The following HERPUD2 variants were observed in gnomAD, a reference collection of about 807,000 sequenced individuals.
The protein encoded by HERPUD2 is homocysteine-responsive endoplasmic reticulum-resident ubiquitin-like domain member 2 protein.
HERPUD2 carries 13 observed loss-of-function variants against 49.9 expected under a neutral mutation model. The observed-to-expected ratio is 0.26, with a 90% CI of 0.17 to 0.41. The LOEUF is 0.41. HERPUD2 is among the 10% of genes least tolerant of loss of function. The pLI, the probability that HERPUD2 is intolerant of heterozygous loss-of-function variation, is 1.00. For synonymous variants in HERPUD2, 172 were observed against 171.4 expected, an observed-to-expected ratio of 1.00 and a Z score of -0.03; for missense variants, 449 against 492.2, an observed-to-expected ratio of 0.91 and a Z score of 0.83.
intron 2 of HERPUD2, among the ~76,000 whole-genome samples, chr7:35,681,239 T>A (rs909346968): frequency 3.5e-4 from 54 of 152,146 alleles, no homozygotes; most frequent in African/African-American, 1.3e-3. Flanking sequence ...CAAGGTCACA[T>A]CAATTTTCAG....
Position 35,694,244 on chromosome 7 carries a change from G to C in HERPUD2, c.87C>G (p.Phe29Leu). The change falls in exon 2 of 9, where the codon TTC becomes TTG. Residue 29 changes from phenylalanine (F) to leucine (L), a missense_variant. Transcript: ENST00000311350. ...QKYSDQTISC[F>L]LNWTVGKLKT... is the part of the protein sequence containing the mutation. Reference sequence around the variant, plus strand: ...TTAGTTTCCCCACGGTCCAGTTCAAGAAGCAGCTAATAGTCTGGTCACTGT... The same window carrying C: ...TTAGTTTCCCCACGGTCCAGTTCAACAAGCAGCTAATAGTCTGGTCACTGT... 6.2e-7 allele frequency: 1 copy of C among 1,614,146 alleles called. No homozygotes were observed. The highest frequency in any genetic ancestry group is 8.5e-7 in the Non-Finnish European group (1 of 1,180,014).
At chr7:35,665,670 A>G (rs1357222051) in intron 5 of HERPUD2, among the ~76,000 whole-genome samples, 4 of 152,194 alleles carry the variant, frequency 2.6e-5, no homozygotes, top group Non-Finnish European at 5.9e-5. Context: ...GAAATCGCCC[A>G]TCTTCTGCAT....
chr7:35,674,455 A>G (rs1291421789), intron 2 of HERPUD2, among the ~76,000 whole-genome samples: 1 of 121,278 alleles, frequency 8.2e-6, no homozygotes, highest in African/African-American at 3.2e-5. Context: ...AGAGAGAGAG[A>G]GAGAGAGAGG....
At chr7:35,663,070 T>C (rs889029290) in intron 5 of HERPUD2, among the ~76,000 whole-genome samples, 4 of 152,222 alleles carry the variant, frequency 2.6e-5, no homozygotes, top group African/African-American at 7.2e-5. Flanking sequence ...GTATGTTGTG[T>C]CTTTGTTCTC....
At chr7:35,637,138 A>G (rs868387522) in intron 6 of HERPUD2, among the ~76,000 whole-genome samples, 8 of 135,690 alleles carry the variant, frequency 5.9e-5, no homozygotes, top group South Asian at 2.5e-4. Flanking sequence ...GTCTCAAAAA[A>G]AAAGAAAGAA....
At chr7:35,634,166 AACC>A (rs1373585363) in intron 8 of HERPUD2, 143 bp downstream of exon 8, 2 of 613,246 alleles carry the variant, frequency 3.3e-6, no homozygotes, top group African/African-American at 3.7e-5. Flanking sequence ...TCCCAAATGA[AACC>A]ACCACAATTT....
At chr7:35,676,131 G>C (rs1218391328) in intron 2 of HERPUD2, among the ~76,000 whole-genome samples, 1 of 152,120 alleles carries the variant, frequency 6.6e-6, no homozygotes, top group Non-Finnish European at 1.5e-5. Flanking sequence ...ATCCAAATAA[G>C]GTTCACACAC....
At chr7:35,671,687 G>C (rs1396981487) in intron 3 of HERPUD2, among the ~76,000 whole-genome samples, 1 of 151,968 alleles carries the variant, frequency 6.6e-6, no homozygotes, top group Non-Finnish European at 1.5e-5. Context: ...AAAAACAGTT[G>C]AAAGAACTAT....
chr7:35,670,995 T>C (rs1046762161), intron 3 of HERPUD2, among the ~76,000 whole-genome samples: 4 of 151,470 alleles, frequency 2.6e-5, no homozygotes, highest in Non-Finnish European at 5.9e-5. Context: ...GCAAATAAGA[T>C]GGGGAAAGGA....
chr7:35,634,245 A>G (rs906938115), intron 8 of HERPUD2, 67 bp downstream of exon 8: 83 of 929,890 alleles, frequency 8.9e-5, no homozygotes, highest in Middle Eastern at 6.5e-4. Flanking sequence ...TTCTTTCATC[A>G]TGTTGGTCCC....
intron 2 of HERPUD2, among the ~76,000 whole-genome samples, chr7:35,689,668 AG>A (rs1350106480): frequency 1.7e-4 from 26 of 152,354 alleles, no homozygotes; most frequent in African/African-American, 6.0e-4. Context: ...CTGAGAGTAA[AG>A]GAACAGTTTG....
In HERPUD2 at chr7:35,648,989, C is replaced by A. The variant is rs144831417; in HGVS notation, c.495-10517G>T. ...ATTTATGGCCGGGAGCAGTGGCTCA[C>A]GCCTGTAATCCCAGCACTTTGGGAG... On this transcript the variant is annotated intron_variant, in intron 5 of 8. Transcript: ENST00000311350. Among the ~76,000 whole-genome samples the A allele has an allele frequency of 9.2e-5, 14 of 152,280 alleles. No individual in the cohort carries two copies. The East Asian group carries it at 2.7e-3, about 29-fold the overall frequency.
At position 35,694,575 on chromosome 7, in the gene HERPUD2, TCCGGGCTCCG is replaced by T. The variant is rs1554318971; in HGVS notation, c.-255_-246del. On this transcript the variant is annotated 5_prime_UTR_variant, in exon 2 of 9. Transcript: ENST00000311350. ...CGTGGAGGCAGCTCTCCCCGCCAGG[TCCGGGCTCCG>T]CCGGGCTCCGGACTGTGGAGGCCGT... 7.5e-6 allele frequency: 4 copies of T among 530,224 alleles called. No individual in the cohort carries two copies. Among genetic ancestry groups the T allele is most frequent in the Admixed American group, 3.1e-5 (1 of 31,932 alleles). 32.8% of individuals were successfully genotyped at this position (530,224 alleles called of 1,614,324 possible). A position where few individuals can be genotyped will look rare whatever the true frequency, so the allele number is the denominator to read the frequency against.
At chr7:35,653,867 G>C (rs191849281) in intron 5 of HERPUD2, among the ~76,000 whole-genome samples, 8 of 152,248 alleles carry the variant, frequency 5.3e-5, no homozygotes, top group Admixed American at 5.2e-4. Flanking sequence ...GTGTGTAGTG[G>C]TATGTGCCTG....
intron 5 of HERPUD2, among the ~76,000 whole-genome samples, chr7:35,658,898 T>C (rs1339135136): frequency 6.6e-6 from 1 of 152,238 alleles, no homozygotes; most frequent in African/African-American, 2.4e-5. Flanking sequence ...CAACTACATT[T>C]GGATTTCCCA....
chr7:35,694,374 G>A lies in HERPUD2; in HGVS notation c.-44C>T. ...CAGAGTCCAGAGGAGCGGCAGTTAA[G>A]CCCAAAAGAGCCGAGATGGTCACCG... On this transcript the variant is annotated 5_prime_UTR_variant, in exon 2 of 9. Coordinates refer to ENST00000311350, the MANE Select transcript of HERPUD2 (RefSeq NM_022373.5). The A allele has an allele frequency of 1.2e-6, 2 of 1,610,898 alleles. No homozygotes were observed. The highest frequency in any genetic ancestry group is 1.7e-6 in the Non-Finnish European group (2 of 1,177,530).
chr7:35,686,471 G>GC (rs369756915), intron 2 of HERPUD2, among the ~76,000 whole-genome samples: 4 of 382 alleles, frequency 0.01, no homozygotes, highest in African/African-American at 0.037. Flanking sequence ...ACAGGCGTCA[G>GC]CGCAGCGCCC....
chr7:35,663,215 T>C (rs1158459899), intron 5 of HERPUD2, among the ~76,000 whole-genome samples: 1 of 152,242 alleles, frequency 6.6e-6, no homozygotes, highest in African/African-American at 2.4e-5. Flanking sequence ...TTTAGTTTGA[T>C]TGCACTGTGG....
intron 2 of HERPUD2, among the ~76,000 whole-genome samples, chr7:35,687,065 A>G (rs1324926425): frequency 6.6e-6 from 1 of 152,240 alleles, no homozygotes; most frequent in South Asian, 2.1e-4. Context: ...GTCTCAAAAA[A>G]GCAAACCAAA....
Sources: gnomAD v4.1 joint callset for allele counts (sites outside exome capture counted in the v4.1 genomes callset) on GRCh38, gnomAD v4.1.1 for gene constraint, MANE v1.5 for transcripts, NCBI Gene and HGNC (gene_info 2026-07-23, HGNC 2026-07-21) for gene names.